CYTH4: variants seen among roughly 807,000 people sequenced by gnomAD.
The protein encoded by CYTH4 is cytohesin 4.
In CYTH4, 22 loss-of-function variants were observed where a neutral mutation model predicts 57.5. That is an observed-to-expected ratio of 0.38 (90% CI 0.27 to 0.55). The LOEUF (loss-of-function observed/expected upper bound fraction) is 0.55, where lower values mean the gene tolerates loss of function less well. CYTH4 is among the 20% of genes least tolerant of loss of function. The pLI is 0.74. For synonymous variants in CYTH4, 186 were observed against 206.5 expected, an observed-to-expected ratio of 0.90 and a Z score of 0.85; for missense variants, 420 against 535.6, an observed-to-expected ratio of 0.78 and a Z score of 2.13.
intron 8 of CYTH4, chr22:37,304,037 C>T (rs979934168): frequency 1.2e-5 from 5 of 400,044 alleles, no homozygotes; most frequent in African/African-American, 4.1e-5. Context: ...ATGATTCATG[C>T]GGTGCTGGCT....
Position 37,285,595 on chromosome 22 carries a change from C to T in CYTH4, c.19+3007C>T, listed in dbSNP as rs1315290219. 2.6e-5 allele frequency among the ~76,000 whole-genome samples: 4 copies of T among 151,870 alleles called. No individual in the cohort carries two copies. In the East Asian group the frequency reaches 5.8e-4, roughly 22 times the overall value. ...GCCTGGTGGTGGGCGCCTGTAATCCCAGCTACTTGGGAGGCTGAGGCAGGA... is the reference window on the plus strand; with the variant it reads ...GCCTGGTGGTGGGCGCCTGTAATCCTAGCTACTTGGGAGGCTGAGGCAGGA... On this transcript the variant is annotated intron_variant, in intron 1 of 12. Transcript: ENST00000248901.
intron 1 of CYTH4, among the ~76,000 whole-genome samples, chr22:37,285,567 C>T (rs1471910294): frequency 2.6e-5 from 4 of 151,792 alleles, no homozygotes; most frequent in Admixed American, 6.6e-5. Context: ...AAAAATTAGC[C>T]GGGCCTGGTG....
chr22:37,291,652 C>T (rs984795169), intron 1 of CYTH4, among the ~76,000 whole-genome samples: 1 of 152,034 alleles, frequency 6.6e-6, no homozygotes, highest in Non-Finnish European at 1.5e-5. Context: ...AGTCTGGCTG[C>T]CAAGGCTGGA....
chr22:37,291,984 C>T (rs933516432), intron 1 of CYTH4, among the ~76,000 whole-genome samples: 5 of 152,184 alleles, frequency 3.3e-5, no homozygotes, highest in African/African-American at 1.2e-4. Context: ...CCCCAGTATC[C>T]AGGGGCAGGG....
At chr22:37,288,446 C>T (rs1424801605) in intron 1 of CYTH4, among the ~76,000 whole-genome samples, 1 of 152,096 alleles carries the variant, frequency 6.6e-6, no homozygotes, top group African/African-American at 2.4e-5. Flanking sequence ...ATTAGCCGGG[C>T]ATGGTGGTGC....
In CYTH4 at chr22:37,292,649, G is replaced by C; in HGVS notation, c.48G>C (p.Thr16=). 1 of 1,613,912 alleles carries C rather than the reference G, an allele frequency of 6.2e-7. No homozygotes were observed. The highest frequency in any genetic ancestry group is 8.5e-7 in the Non-Finnish European group (1 of 1,179,974). Residue 16 remains threonine, a synonymous_variant, in exon 2 of 13, where the codon ACG becomes ACC. Coordinates refer to ENST00000248901, the MANE Select transcript of CYTH4 (RefSeq NM_013385.5). ...PEPAELSSGE[T]EELQRIKWHR... ...CCGCGGAGCTGAGCAGCGGGGAGAC[G>C]GAAGAGTTACAGAGGATCAAGTGGC...
At chr22:37,307,052 G>A (rs1177165212) in intron 8 of CYTH4, among the ~76,000 whole-genome samples, 2 of 152,234 alleles carry the variant, frequency 1.3e-5, no homozygotes, top group Non-Finnish European at 2.9e-5. Context: ...GGAAACTGAG[G>A]AGGTGGGGGT....
At chr22:37,286,324 C>G (rs2284044) in intron 1 of CYTH4, among the ~76,000 whole-genome samples, 88,123 of 151,952 alleles carry the variant, frequency 0.58, 25,888 homozygotes, top group South Asian at 0.78. Flanking sequence ...TCACCTTTGG[C>G]AGGACACTTC....
chr22:37,309,772 G>T (rs1392510312), intron 9 of CYTH4, among the ~76,000 whole-genome samples: 1 of 152,230 alleles, frequency 6.6e-6, no homozygotes, highest in Non-Finnish European at 1.5e-5. Context: ...AGATTTGAGG[G>T]CACAGAGGGT....
At position 37,296,008 on chromosome 22, in the gene CYTH4, C is replaced by T; in HGVS notation, c.177C>T (p.Ala59=). 1 of 1,613,020 alleles carries T rather than the reference C, an allele frequency of 6.2e-7. No homozygotes were observed. The highest frequency in any genetic ancestry group is 1.1e-5 in the South Asian group (1 of 90,766). The change falls in exon 4 of 13, where the codon GCC becomes GCT. Residue 59 remains alanine, a synonymous_variant. Transcript: ENST00000248901. ...CFESAEESRM[A]QKEKELCIGR... is the part of the protein sequence containing the mutation. ...GTCCTCATGTCCACAGCCGGATGGC[C>T]CAGAAGGAGAAGGAGCTGTGTATTG...
rs764549193 is a variant in CYTH4, at chr22:37,300,684, G to A, written c.435-223G>A. Reference sequence around the variant, plus strand: ...GGGATTCAGACCTGCAGAGCGGGGCGTGTGCTTAGTTCCGTATTCTGCAAG... The same window carrying A: ...GGGATTCAGACCTGCAGAGCGGGGCATGTGCTTAGTTCCGTATTCTGCAAG... On this transcript the variant is annotated intron_variant, in intron 6 of 12. Coordinates refer to ENST00000248901, the MANE Select transcript of CYTH4 (RefSeq NM_013385.5). Among the ~76,000 whole-genome samples the A allele has an allele frequency of 8.5e-5, 13 of 152,340 alleles. 1 individual carries two copies. The highest frequency in any genetic ancestry group is 8.3e-4 in the South Asian group (4 of 4,830).
At position 37,301,145 on chromosome 22, in the gene CYTH4, C is replaced by T. The variant is rs1041345748; in HGVS notation, c.547+126C>T. 3 of 715,236 alleles carry T rather than the reference C, an allele frequency of 4.2e-6. No homozygotes were observed. In the Admixed American group the frequency reaches 8.1e-5, roughly 19 times the overall value. 44.3% of individuals were successfully genotyped at this position (715,236 alleles called of 1,614,324 possible). Reference sequence around the variant, plus strand: ...CTGGCAGCCCAGACCCCTTCATGAGCCCTCACTGAGCACTGACTTCATTGC... The same window carrying T: ...CTGGCAGCCCAGACCCCTTCATGAGTCCTCACTGAGCACTGACTTCATTGC... On this transcript the variant is annotated intron_variant, in intron 7 of 12. Coordinates refer to ENST00000248901, the MANE Select transcript of CYTH4 (RefSeq NM_013385.5).
chr22:37,285,687 G>A (rs1001966571), intron 1 of CYTH4, among the ~76,000 whole-genome samples: 1 of 152,060 alleles, frequency 6.6e-6, no homozygotes, highest in Non-Finnish European at 1.5e-5. Context: ...CTCCAGCCTG[G>A]GTAACAGACA....
At chr22:37,283,883 G>A (rs2284041) in intron 1 of CYTH4, among the ~76,000 whole-genome samples, 1 of 131,290 alleles carries the variant, frequency 7.6e-6, no homozygotes, top group Non-Finnish European at 1.7e-5. Flanking sequence ...GTGGGATGAG[G>A]GGGGGAGGGC....
rs1351310532 is a variant in CYTH4, at chr22:37,301,000, A to G, written c.528A>G (p.Pro176=). The G allele has an allele frequency of 5.6e-6, 9 of 1,614,010 alleles. No individual in the cohort carries two copies. The highest frequency in any genetic ancestry group is 7.6e-6 in the Non-Finnish European group (9 of 1,179,992). ...AFATRYCLCN[P]GVFQSTDTCY... is the part of the protein sequence containing the mutation. ...CCACTCGATACTGCCTCTGCAACCC[A>G]GGCGTCTTCCAGTCCACAGGTGCCA... is the stretch of plus-strand genomic sequence containing the variant. Residue 176 remains proline (P), a synonymous_variant, in exon 7 of 13, where the codon CCA becomes CCG. Transcript: ENST00000248901.
intron 8 of CYTH4, chr22:37,304,303 C>T (rs769712952): frequency 1.2e-4 from 54 of 456,386 alleles, no homozygotes; most frequent in Middle Eastern, 1.0e-3. Flanking sequence ...TATATATGCA[C>T]AGTAGTGGGT....
chr22:37,304,213 A>G (rs890615988), intron 8 of CYTH4: 4 of 456,594 alleles, frequency 8.8e-6, no homozygotes, highest in African/African-American at 8.0e-5. Flanking sequence ...GGGAAAGGAC[A>G]TTTCAAAAAG....
At position 37,311,445 on chromosome 22, in the gene CYTH4, T is replaced by C; in HGVS notation, c.886-11T>C. On this transcript the variant is annotated splice_polypyrimidine_tract_variant and intron_variant, in intron 10 of 12. Coordinates refer to ENST00000248901, the MANE Select transcript of CYTH4 (RefSeq NM_013385.5). This position sits in a 1 kb window ranked among gnomAD's most constrained non-coding sequence, Gnocchi z 4.4. ...TTCCTGACCCTGACCTTCCTTCCCC[T>C]TTCCCTGTAGGACAAGGAGCCACGG... The C allele has an allele frequency of 6.2e-7, 1 of 1,613,066 alleles. No homozygotes were observed. Among genetic ancestry groups the C allele is most frequent in the Non-Finnish European group, 8.5e-7 (1 of 1,179,142 alleles).
At chr22:37,285,560 A>T (rs1928525644) in intron 1 of CYTH4, among the ~76,000 whole-genome samples, 1 of 151,898 alleles carries the variant, frequency 6.6e-6, no homozygotes, top group Non-Finnish European at 1.5e-5. Flanking sequence ...TACAAAAAAA[A>T]ATTAGCCGGG....
Sources: gnomAD v4.1 joint callset for allele counts (sites outside exome capture counted in the v4.1 genomes callset) on GRCh38, gnomAD v4.1.1 for gene constraint, Gnocchi (gnomAD v3.1) non-coding constraint, MANE v1.5 for transcripts, NCBI Gene and HGNC (gene_info 2026-07-23, HGNC 2026-07-21) for gene names.